BBS12: variants seen among roughly 807,000 people sequenced by gnomAD.
BBS12 encodes chaperonin-containing T-complex member BBS12.
Under a neutral mutation model 5.6 loss-of-function variants are expected in BBS12, and 5 were observed. The observed-to-expected ratio is 0.89, with a 90% CI of 0.46 to 1.86. The LOEUF is 1.86. Among genes scored for constraint, BBS12 ranks in the 40% most tolerant of loss-of-function variants. The probability of loss-of-function intolerance (pLI) is 0.01; values close to 1 mark genes in which losing one functional copy is unlikely to be tolerated. For synonymous variants in BBS12, 308 were observed against 306.8 expected (o/e 1.00, Z -0.04); for missense variants, 748 against 830.4 (o/e 0.90, Z 1.22).
chr4:122,716,511 G>T, the BBS12 span, among the ~76,000 whole-genome samples: 2 of 142,888 alleles, frequency 1.4e-5, no homozygotes, highest in African/African-American at 2.5e-5. Context: ...AGTTGTAAAA[G>T]ATATCTTCAA....
chr4:122,727,964 A>G (rs963956976), upstream of BBS12, among the ~76,000 whole-genome samples: 7 of 152,242 alleles, frequency 4.6e-5, no homozygotes, highest in South Asian at 8.3e-4. Flanking sequence ...GCCTCTCATA[A>G]GAGAAATGAG....
At chr4:122,739,926 T>C (rs1469096585) in intron 1 of BBS12, among the ~76,000 whole-genome samples, 3 of 152,228 alleles carry the variant, frequency 2.0e-5, no homozygotes, top group Admixed American at 6.5e-5. Context: ...CATAAATGGT[T>C]TTCTTTAAGT....
At chr4:122,717,860 A>C in the BBS12 span, among the ~76,000 whole-genome samples, 1 of 152,192 alleles carries the variant, frequency 6.6e-6, no homozygotes, top group African/African-American at 2.4e-5. Context: ...AATGTGAGCT[A>C]TCAGCCTCTC....
Position 122,742,702 on chromosome 4 carries a change from GTTGGCAGTAGGC to G in BBS12, c.814_825del (p.Ala272_Leu275del). The G allele has an allele frequency of 6.2e-7, 1 of 1,614,238 alleles. No individual in the cohort carries two copies. Among genetic ancestry groups the G allele is most frequent in the Non-Finnish European group, 8.5e-7 (1 of 1,180,036 alleles). On this transcript the variant is annotated inframe_deletion, in exon 2 of 2. Coordinates refer to ENST00000314218, the MANE Select transcript of BBS12 (RefSeq NM_152618.3). ...CTTACAGATGTAATGATTTGGTAGA[GTTGGCAGTAGGC>G]TTGAGTCATGGAGATCACAGCAGCA...
At chr4:122,705,834 T>G in the BBS12 span, among the ~76,000 whole-genome samples, 1 of 152,218 alleles carries the variant, frequency 6.6e-6, no homozygotes, top group Non-Finnish European at 1.5e-5. Flanking sequence ...GTCATTTATT[T>G]AGAACTCAGA....
intron 1 of BBS12, among the ~76,000 whole-genome samples, chr4:122,740,307 G>A (rs756867541): frequency 1.8e-4 from 27 of 152,072 alleles, no homozygotes; most frequent in Non-Finnish European, 3.2e-4. Flanking sequence ...TTCTGAGTTC[G>A]CTGTGACTTG....
chr4:122,728,002 C>T (rs1207717368), upstream of BBS12, among the ~76,000 whole-genome samples: 1 of 152,082 alleles, frequency 6.6e-6, no homozygotes, highest in Non-Finnish European at 1.5e-5. Flanking sequence ...TTGCAACTTG[C>T]CAGACTGACA....
At chr4:122,710,703 G>A in the BBS12 span, among the ~76,000 whole-genome samples, 6 of 146,728 alleles carry the variant, frequency 4.1e-5, no homozygotes, top group South Asian at 2.2e-4. Context: ...GCATTTGTGC[G>A]TTTTTTTTTT....
chr4:122,727,539 G>GA, the BBS12 span, among the ~76,000 whole-genome samples: 72 of 109,982 alleles, frequency 6.5e-4, no homozygotes, highest in Admixed American at 3.7e-3. Flanking sequence ...CACCGCCCCT[G>GA]GCCAATTTTT....
At chr4:122,721,833 T>G in the BBS12 span, among the ~76,000 whole-genome samples, 1 of 152,184 alleles carries the variant, frequency 6.6e-6, no homozygotes, top group Middle Eastern at 3.2e-3. Flanking sequence ...ATTTTATTGG[T>G]TAAAAGCAAG....
chr4:122,743,239 A>G lies in BBS12; in HGVS notation c.1347A>G (p.Ala449=). The G allele has an allele frequency of 6.2e-7, 1 of 1,614,220 alleles. No homozygotes were observed. The change falls in exon 2 of 2, where the codon GCA becomes GCG. Residue 449 remains alanine (A), a synonymous_variant. Coordinates refer to ENST00000314218, the MANE Select transcript of BBS12 (RefSeq NM_152618.3). ...GSVMQAFAEA[A]GAVQVAYITQ... The stretch of plus-strand genomic sequence containing the variant: ...TGATGCAGGCTTTTGCAGAGGCTGC[A>G]GGAGCAGTACAGGTGGCCTACATTA...
chr4:122,716,687 A>ACGCG, the BBS12 span, among the ~76,000 whole-genome samples: 1 of 87,926 alleles, frequency 1.1e-5, no homozygotes, highest in African/African-American at 4.5e-5. Flanking sequence ...ATATACACAT[A>ACGCG]TGTGTATGTG....
Position 122,742,974 on chromosome 4 carries a change from G to T in BBS12, c.1082G>T (p.Gly361Val). The change falls in exon 2 of 2, where the codon GGT (glycine) becomes GTT (valine). Residue 361 changes from glycine to valine, a missense_variant. Gly to Val is a moderately radical substitution (Grantham distance 109). Coordinates refer to ENST00000314218, the MANE Select transcript of BBS12 (RefSeq NM_152618.3). The stretch of plus-strand genomic sequence containing the variant: ...CCTGTGCGAATAGTTCTCATTGAGG[G>T]TGACCTCACAGAGAATTACCGCCAC... ...NQPVRIVLIE[G>V]DLTENYRHLG... is the part of the protein sequence containing the mutation. 5.6e-6 allele frequency: 9 copies of T among 1,614,128 alleles called. No homozygotes were observed. Among genetic ancestry groups the T allele is most frequent in the Non-Finnish European group, 6.8e-6 (8 of 1,179,974 alleles).
In BBS12 at chr4:122,743,038, A is replaced by G; in HGVS notation, c.1146A>G (p.Leu382=). The change falls in exon 2 of 2, where the codon TTA becomes TTG. Residue 382 remains leucine, a synonymous_variant. Transcript: ENST00000314218. ...AGTCTGCAAATATTAAAACAGTATT[A>G]GATAGCATGCGGCTTCAAGAAGACA... is the stretch of plus-strand genomic sequence containing the variant. ...FNKSANIKTV[L]DSMRLQEDSS... The G allele has an allele frequency of 1.9e-6, 3 of 1,614,270 alleles. No individual in the cohort carries two copies. The highest frequency in any genetic ancestry group is 2.5e-6 in the Non-Finnish European group (3 of 1,180,050).
At chr4:122,718,827 T>G in the BBS12 span, among the ~76,000 whole-genome samples, 7 of 152,156 alleles carry the variant, frequency 4.6e-5, no homozygotes, top group South Asian at 1.5e-3. Flanking sequence ...TTTTCTTCTT[T>G]GTTTGTTTTG....
chr4:122,721,616 T>C, the BBS12 span, among the ~76,000 whole-genome samples: 6 of 152,186 alleles, frequency 3.9e-5, no homozygotes, highest in South Asian at 1.2e-3. Flanking sequence ...GCTTGCTAAC[T>C]TGTCTGTTTG....
chr4:122,704,870 C>G, the BBS12 span, among the ~76,000 whole-genome samples: 2 of 152,188 alleles, frequency 1.3e-5, no homozygotes, highest in Non-Finnish European at 2.9e-5. Context: ...TCAAGTCAGC[C>G]CCTTCCTGTG....
Position 122,743,432 on chromosome 4 carries a change from A to G in BBS12, c.1540A>G (p.Ile514Val). 6.2e-7 allele frequency: 1 copy of G among 1,614,224 alleles called. No homozygotes were observed. The highest frequency in any genetic ancestry group is 2.2e-5 in the East Asian group (1 of 44,890). The change falls in exon 2 of 2, where the codon ATC (isoleucine) becomes GTC (valine). Residue 514 changes from isoleucine to valine, a missense_variant. Transcript: ENST00000314218. Reference protein sequence around the residue: ...LTNPVTAQMQIKEDRFWTCAY... With the variant: ...LTNPVTAQMQVKEDRFWTCAY... ...TAACCCAGTTACTGCACAGATGCAA[A>G]TCAAAGAAGATAGGTTCTGGACATG...
At chr4:122,715,110 C>G in the BBS12 span, among the ~76,000 whole-genome samples, 1 of 151,608 alleles carries the variant, frequency 6.6e-6, no homozygotes, top group Non-Finnish European at 1.5e-5. Flanking sequence ...TGCATAATTT[C>G]ATACTACACA....
Sources: gnomAD v4.1 joint callset for allele counts (sites outside exome capture counted in the v4.1 genomes callset) on GRCh38, gnomAD v4.1.1 for gene constraint, MANE v1.5 for transcripts, NCBI Gene and HGNC (gene_info 2026-07-23, HGNC 2026-07-21) for gene names.